Variants in KHDRBS3 observed in about 807,000 individuals in gnomAD.
KHDRBS3 encodes the protein KH domain-containing, RNA-binding, signal transduction-associated protein 3.
KHDRBS3 carries 23 observed loss-of-function variants against 45.6 expected under a neutral mutation model. That is an observed-to-expected ratio of 0.50 (90% CI 0.36 to 0.72). The LOEUF is 0.72. Among genes scored for constraint, KHDRBS3 ranks in the 30% least tolerant of loss-of-function variants. The pLI is 0.00. For synonymous variants in KHDRBS3, 162 were observed against 156.5 expected (o/e 1.04, Z -0.26); for missense variants, 352 against 424.8 (o/e 0.83, Z 1.51).
intron 4 of KHDRBS3, among the ~76,000 whole-genome samples, chr8:135,550,493 A>G (rs1826533642): frequency 6.6e-6 from 1 of 152,202 alleles, no homozygotes; most frequent in Non-Finnish European, 1.5e-5. Flanking sequence ...TCATTTCCTC[A>G]TTCAGTACCT....
chr8:135,516,887 A>C (rs1310454392), intron 1 of KHDRBS3, among the ~76,000 whole-genome samples: 2 of 152,204 alleles, frequency 1.3e-5, no homozygotes, highest in Non-Finnish European at 2.9e-5. Context: ...TGATTATATG[A>C]GAGAAATGAA....
At chr8:135,494,084 G>A (rs2130443803) in intron 1 of KHDRBS3, among the ~76,000 whole-genome samples, 1 of 151,960 alleles carries the variant, frequency 6.6e-6, no homozygotes, top group South Asian at 2.1e-4. Flanking sequence ...GATCTGTGGT[G>A]GTGTCAGTGT....
At chr8:135,553,761 CTCACTGGGTAGTCAAGTCCTGCT>C (rs1361664781) in intron 4 of KHDRBS3, among the ~76,000 whole-genome samples, 1 of 152,136 alleles carries the variant, frequency 6.6e-6, no homozygotes, top group Non-Finnish European at 1.5e-5. Context: ...AGATTGTAAG[CTCACTGGGTAGTCAAGTCCTGCT>C]TACACATATT....
chr8:135,600,031 C>A (rs1365481602), intron 6 of KHDRBS3, among the ~76,000 whole-genome samples: 1 of 127,734 alleles, frequency 7.8e-6, no homozygotes, highest in African/African-American at 2.8e-5. Flanking sequence ...CAGGCACCTC[C>A]CTCACAGCAC....
At chr8:135,536,988 A>G (rs79770780) in intron 2 of KHDRBS3, among the ~76,000 whole-genome samples, 40,437 of 82,822 alleles carry the variant, frequency 0.49, 11,097 homozygotes, top group East Asian at 0.69. Context: ...AAAAAAAAAA[A>G]AAAAAAAAAG....
At chr8:135,547,643 G>A (rs777567938) in intron 3 of KHDRBS3, among the ~76,000 whole-genome samples, 2 of 152,152 alleles carry the variant, frequency 1.3e-5, no homozygotes, top group East Asian at 3.9e-4. Flanking sequence ...AGGGCTATGT[G>A]CCTCTAGCAT....
chr8:135,561,621 C>T (rs918460869), intron 5 of KHDRBS3, among the ~76,000 whole-genome samples: 1 of 151,552 alleles, frequency 6.6e-6, no homozygotes, highest in Non-Finnish European at 1.5e-5. Flanking sequence ...TTCATTATGG[C>T]TCATGATCAC....
In KHDRBS3 at chr8:135,561,980, TA is replaced by T. The variant is rs200125161; in HGVS notation, c.611+4403del. ...GTTGCTAGAAAAGAGTCAAAAAGTT[TA>T]AAAAAAAAAGTTAAAAGTTGACAAA... On this transcript the variant is annotated intron_variant, in intron 5 of 8. Transcript: ENST00000355849. Among the ~76,000 whole-genome samples, 666 of 149,836 alleles carry T rather than the reference TA, an allele frequency of 4.4e-3. 4 individuals are homozygous for T. The highest frequency in any genetic ancestry group is 0.012 in the African/African-American group (505 of 40,856).
intron 5 of KHDRBS3, among the ~76,000 whole-genome samples, chr8:135,580,061 C>T (rs1000046442): frequency 2.0e-5 from 3 of 152,174 alleles, no homozygotes; most frequent in Admixed American, 1.3e-4. Flanking sequence ...TAATGCTTTT[C>T]CTCCCCATCT....
chr8:135,545,182 C>T (rs1826230900), intron 3 of KHDRBS3, among the ~76,000 whole-genome samples: 1 of 152,102 alleles, frequency 6.6e-6, no homozygotes, highest in Non-Finnish European at 1.5e-5. Context: ...TTACTGTACG[C>T]AAGCAGCCTT....
chr8:135,463,654 G>A (rs985495073), intron 1 of KHDRBS3, among the ~76,000 whole-genome samples: 2 of 152,166 alleles, frequency 1.3e-5, no homozygotes, highest in African/African-American at 4.8e-5. Flanking sequence ...AATTTTGGAA[G>A]CCCTAGTCAC....
intron 4 of KHDRBS3, among the ~76,000 whole-genome samples, chr8:135,555,940 G>A (rs1433960108): frequency 6.6e-6 from 1 of 152,096 alleles, no homozygotes; most frequent in African/African-American, 2.4e-5. Context: ...CTGTGTCCAT[G>A]TGTTCTCATT....
chr8:135,642,961 A>G (rs943491870), intron 7 of KHDRBS3, among the ~76,000 whole-genome samples: 1 of 151,748 alleles, frequency 6.6e-6, no homozygotes, highest in African/African-American at 2.4e-5. Context: ...GCTAATTTTT[A>G]TATACTTTTT....
intron 2 of KHDRBS3, chr8:135,539,814 A>T (rs1031131696): frequency 6.6e-6 from 1 of 152,212 alleles, no homozygotes; most frequent in African/African-American, 2.4e-5. Context: ...TTGTCACAGT[A>T]TTCATTTATG....
intron 1 of KHDRBS3, among the ~76,000 whole-genome samples, chr8:135,469,234 TG>T (rs1184427543): frequency 2.0e-5 from 3 of 152,266 alleles, no homozygotes; most frequent in African/African-American, 7.2e-5. Context: ...ATTACAGCAG[TG>T]AGAAATCAGG....
chr8:135,555,506 T>G (rs925180578), intron 4 of KHDRBS3, among the ~76,000 whole-genome samples: 4 of 152,118 alleles, frequency 2.6e-5, no homozygotes, highest in African/African-American at 9.7e-5. Context: ...AGTTGTATAG[T>G]TTTAGTTATT....
At chr8:135,636,881 A>G (rs1830836320) in intron 7 of KHDRBS3, among the ~76,000 whole-genome samples, 1 of 152,212 alleles carries the variant, frequency 6.6e-6, no homozygotes, top group Non-Finnish European at 1.5e-5. Flanking sequence ...ACCGTAATGT[A>G]TTTACTCTGA....
At chr8:135,615,816 G>A (rs531266056) in intron 7 of KHDRBS3, among the ~76,000 whole-genome samples, 1 of 152,250 alleles carries the variant, frequency 6.6e-6, no homozygotes, top group Admixed American at 6.5e-5. Context: ...AATGGCTGGG[G>A]TTTGGTGAAT....
intron 7 of KHDRBS3, among the ~76,000 whole-genome samples, chr8:135,611,486 T>G (rs531569630): frequency 5.3e-4 from 81 of 152,008 alleles, no homozygotes; most frequent in Admixed American, 2.6e-3. Context: ...AATGGTTCTA[T>G]GCACCATATT....
Sources: gnomAD v4.1 joint callset for allele counts (sites outside exome capture counted in the v4.1 genomes callset) on GRCh38, gnomAD v4.1.1 for gene constraint, MANE v1.5 for transcripts, NCBI Gene and HGNC (gene_info 2026-07-23, HGNC 2026-07-21) for gene names.